Variants in ASIC2 observed in about 807,000 individuals in gnomAD.
ASIC2 encodes acid-sensing ion channel 2.
ASIC2 carries 25 observed loss-of-function variants against 57.3 expected under a neutral mutation model. The observed-to-expected ratio is 0.44, with a 90% CI of 0.32 to 0.61. ASIC2 has a LOEUF of 0.61. Among genes scored for constraint, ASIC2 ranks in the 20% least tolerant of loss-of-function variants. ASIC2 has a pLI of 0.06. For synonymous variants in ASIC2, 319 were observed against 307.5 expected (o/e 1.04, Z -0.39); for missense variants, 641 against 738.1 (o/e 0.87, Z 1.52).
chr17:33,649,089 G>A (rs1392415102), intron 1 of ASIC2, among the ~76,000 whole-genome samples: 1 of 152,080 alleles, frequency 6.6e-6, no homozygotes, highest in Non-Finnish European at 1.5e-5. Flanking sequence ...AAAATAAAAG[G>A]CATACATGTC....
chr17:33,202,033 A>G (rs1179944390), intron 1 of ASIC2, among the ~76,000 whole-genome samples: 4 of 150,898 alleles, frequency 2.7e-5, no homozygotes, highest in Admixed American at 6.6e-5. Flanking sequence ...AAAAAAAAAA[A>G]AAAGAAAAAG....
chr17:33,863,146 C>T (rs1056589587), intron 1 of ASIC2, among the ~76,000 whole-genome samples: 3 of 152,222 alleles, frequency 2.0e-5, no homozygotes, highest in African/African-American at 7.2e-5. Flanking sequence ...TCTTGAATAT[C>T]TGTGCTTAGA....
chr17:33,579,234 C>CA (rs1246827094), intron 1 of ASIC2, among the ~76,000 whole-genome samples: 4 of 138,090 alleles, frequency 2.9e-5, no homozygotes, highest in African/African-American at 5.6e-5. Context: ...TGCAGTGAGC[C>CA]AAAATCACAC....
intron 3 of ASIC2, among the ~76,000 whole-genome samples, chr17:33,061,311 C>G (rs944840588): frequency 2.6e-5 from 4 of 152,116 alleles, no homozygotes; most frequent in African/African-American, 9.7e-5. Flanking sequence ...TCATAGATAG[C>G]TCTTATTATT....
intron 1 of ASIC2, among the ~76,000 whole-genome samples, chr17:34,073,268 CAT>C (rs1909493926): frequency 6.6e-6 from 1 of 152,246 alleles, no homozygotes; most frequent in African/African-American, 2.4e-5. Flanking sequence ...GAAAAGCAGC[CAT>C]AGACAATACA....
chr17:34,040,146 G>A, intron 1 of ASIC2, among the ~76,000 whole-genome samples: 1 of 105,204 alleles, frequency 9.5e-6, no homozygotes, highest in Admixed American at 9.0e-5. Flanking sequence ...GCGGCCACGG[G>A]ACCGGCCTCC....
In ASIC2 at chr17:33,333,905, G is replaced by A. The variant is rs561953247; in HGVS notation, c.556-221838C>T. On this transcript the variant is annotated intron_variant, in intron 1 of 9. Transcript: ENST00000359872. ...TGGAAAGTCTTTCCCCAGACCCCTG[G>A]ACTGGGGCTGCTCCTTAAACAAAAA... is the stretch of plus-strand genomic sequence containing the variant. Among the ~76,000 whole-genome samples the A allele has an allele frequency of 2.6e-5, 4 of 152,328 alleles. No homozygotes were observed. The East Asian group carries it at 7.7e-4, about 29-fold the overall frequency.
intron 1 of ASIC2, among the ~76,000 whole-genome samples, chr17:33,493,578 G>T (rs2141936207): frequency 6.6e-6 from 1 of 152,144 alleles, no homozygotes; most frequent in East Asian, 1.9e-4. Context: ...CTTACTGGCT[G>T]CTTTCCTCTT....
At chr17:33,921,523 A>G (rs552606567) in intron 1 of ASIC2, among the ~76,000 whole-genome samples, 1 of 152,276 alleles carries the variant, frequency 6.6e-6, no homozygotes, top group South Asian at 2.1e-4. Flanking sequence ...GAGCTGGGAC[A>G]TGGGACAGAA....
At chr17:33,612,525 CAG>C (rs1421485965) in intron 1 of ASIC2, among the ~76,000 whole-genome samples, 2 of 152,188 alleles carry the variant, frequency 1.3e-5, no homozygotes, top group African/African-American at 4.8e-5. Context: ...CTGCTTGGAG[CAG>C]AGAGTATCAG....
intron 1 of ASIC2, among the ~76,000 whole-genome samples, chr17:33,379,171 A>C (rs1331543946): frequency 2.0e-5 from 3 of 152,186 alleles, no homozygotes; most frequent in Non-Finnish European, 4.4e-5. Context: ...TGATGGTTTT[A>C]GGAGGTGACA....
intron 3 of ASIC2, among the ~76,000 whole-genome samples, chr17:33,067,929 G>A (rs1173433656): frequency 6.6e-6 from 1 of 152,130 alleles, no homozygotes; most frequent in Non-Finnish European, 1.5e-5. Context: ...AGCAGCCTGG[G>A]CCCAAAGCAA....
intron 3 of ASIC2, among the ~76,000 whole-genome samples, chr17:33,059,601 G>C (rs980304101): frequency 6.6e-5 from 10 of 152,134 alleles, no homozygotes; most frequent in Admixed American, 1.3e-4. Flanking sequence ...GCTATTGTGA[G>C]TAGTGCCACA....
chr17:33,964,464 A>C (rs1476147363), intron 1 of ASIC2, among the ~76,000 whole-genome samples: 1 of 152,238 alleles, frequency 6.6e-6, no homozygotes, highest in Admixed American at 6.5e-5. Flanking sequence ...CCTCAGAGTC[A>C]AGGACCATGG....
At position 33,423,498 on chromosome 17, in the gene ASIC2, A is replaced by C. The variant is rs138394766; in HGVS notation, c.556-311431T>G. On this transcript the variant is annotated intron_variant, in intron 1 of 9. Coordinates refer to the ASIC2 transcript ENST00000359872. ...TGATGGTGATAACAGCTTTCAGTCC[A>C]TGGAGCTTTTTGTGATCAACATTAT... Among the ~76,000 whole-genome samples the C allele has an allele frequency of 6.0e-4, 92 of 152,334 alleles. 1 individual carries two copies. In the South Asian group the frequency reaches 9.9e-3, roughly 16 times the overall value.
At chr17:33,949,646 T>C (rs1291513803) in intron 1 of ASIC2, among the ~76,000 whole-genome samples, 1 of 152,122 alleles carries the variant, frequency 6.6e-6, no homozygotes. Flanking sequence ...TCCCTCAAAT[T>C]CCATAGGCCT....
At chr17:33,290,458 C>T (rs1240776858) in intron 1 of ASIC2, among the ~76,000 whole-genome samples, 4 of 152,254 alleles carry the variant, frequency 2.6e-5, no homozygotes, top group African/African-American at 9.6e-5. Context: ...ATGCTGGGGC[C>T]TGGCACCAGA....
intron 1 of ASIC2, among the ~76,000 whole-genome samples, chr17:33,267,299 G>C (rs1464114341): frequency 1.3e-5 from 2 of 152,144 alleles, no homozygotes; most frequent in Admixed American, 1.3e-4. Context: ...TTCTAAAGTT[G>C]TCTTTAACTA....
intron 1 of ASIC2, among the ~76,000 whole-genome samples, chr17:33,487,707 C>T (rs753590551): frequency 6.6e-6 from 1 of 152,204 alleles, no homozygotes; most frequent in East Asian, 1.9e-4. Context: ...CACCATCTAA[C>T]CAGCTGCCAG....
Sources: allele counts gnomAD v4.1 joint callset (sites outside exome capture counted in the v4.1 genomes callset), GRCh38; gene constraint gnomAD v4.1.1; transcripts MANE v1.5; gene names NCBI Gene and HGNC (gene_info 2026-07-23, HGNC 2026-07-21).